SLC10A7: variants seen among roughly 807,000 people sequenced by gnomAD.
SLC10A7 encodes sodium/bile acid cotransporter 7.
SLC10A7 carries 29 observed loss-of-function variants against 43.2 expected under a neutral mutation model. The ratio of observed to expected loss-of-function variants is 0.67; its 90% CI spans 0.50 to 0.92. The LOEUF (loss-of-function observed/expected upper bound fraction) is 0.92, where lower values mean the gene tolerates loss of function less well. SLC10A7 is among the 40% of genes least tolerant of loss of function. SLC10A7 has a pLI of 0.00. For synonymous variants in SLC10A7, 152 were observed against 144.8 expected (o/e 1.05, Z -0.35); for missense variants, 295 against 403.2 (o/e 0.73, Z 2.30).
At chr4:146,451,302 T>A (rs1165426713) in intron 4 of SLC10A7, among the ~76,000 whole-genome samples, 2 of 150,440 alleles carry the variant, frequency 1.3e-5, no homozygotes, top group Non-Finnish European at 1.5e-5. Flanking sequence ...ACCACACTTT[T>A]AAAGAACTAT....
At chr4:146,342,407 A>G (rs1033904454) in intron 5 of SLC10A7, among the ~76,000 whole-genome samples, 2 of 151,798 alleles carry the variant, frequency 1.3e-5, no homozygotes, top group African/African-American at 4.8e-5. Context: ...ATTACTTTTA[A>G]TTTATTAGAG....
intron 4 of SLC10A7, among the ~76,000 whole-genome samples, chr4:146,485,257 C>T (rs554782799): frequency 4.4e-4 from 67 of 152,224 alleles, no homozygotes; most frequent in South Asian, 1.7e-3. Flanking sequence ...CAGCTGCTGT[C>T]CACTGACCAT....
intron 5 of SLC10A7, among the ~76,000 whole-genome samples, chr4:146,376,501 C>T (rs1472323698): frequency 1.3e-5 from 2 of 152,048 alleles, no homozygotes; most frequent in Non-Finnish European, 2.9e-5. Context: ...AGCAGAGCAG[C>T]ATGGTAAAGA....
At chr4:146,400,565 A>G (rs1560872805) in intron 5 of SLC10A7, among the ~76,000 whole-genome samples, 1 of 152,164 alleles carries the variant, frequency 6.6e-6, no homozygotes, top group Non-Finnish European at 1.5e-5. Flanking sequence ...AACATCTACT[A>G]GATGTGAGGC....
chr4:146,461,347 C>G (rs537553469), intron 4 of SLC10A7, among the ~76,000 whole-genome samples: 1 of 152,088 alleles, frequency 6.6e-6, no homozygotes, highest in East Asian at 1.9e-4. Context: ...GTGGGAAACA[C>G]AACGCCAACT....
intron 5 of SLC10A7, among the ~76,000 whole-genome samples, chr4:146,339,498 G>A (rs895881987): frequency 2.0e-5 from 3 of 151,896 alleles, no homozygotes; most frequent in African/African-American, 4.8e-5. Flanking sequence ...ACTCAGAGAG[G>A]CTTCAGTCAG....
intron 5 of SLC10A7, among the ~76,000 whole-genome samples, chr4:146,332,365 C>A (rs1335664891): frequency 1.3e-5 from 2 of 152,192 alleles, no homozygotes; most frequent in East Asian, 3.9e-4. Context: ...ACCCATATCT[C>A]ATGTTGAGTT....
chr4:146,268,873 G>T (rs936970287), intron 10 of SLC10A7, among the ~76,000 whole-genome samples: 1 of 152,166 alleles, frequency 6.6e-6, no homozygotes, highest in African/African-American at 2.4e-5. Context: ...AAAAAGGGGT[G>T]CAAGGGGTGC....
chr4:146,350,152 T>G (rs1261607218), intron 5 of SLC10A7, among the ~76,000 whole-genome samples: 15 of 146,792 alleles, frequency 1.0e-4, no homozygotes, highest in African/African-American at 3.8e-4. Flanking sequence ...TGCCAGACAG[T>G]GGGCGCAGGC....
intron 5 of SLC10A7, among the ~76,000 whole-genome samples, chr4:146,367,821 T>A (rs1432424822): frequency 6.6e-6 from 1 of 152,118 alleles, no homozygotes; most frequent in Non-Finnish European, 1.5e-5. Flanking sequence ...TAAATAAATA[T>A]TCACAAAGTG....
In SLC10A7 at chr4:146,460,996, C is replaced by T. The variant is rs76908492; in HGVS notation, c.397-18175G>A. Among the ~76,000 whole-genome samples, 768 of 151,992 alleles carry T rather than the reference C, an allele frequency of 5.1e-3. 6 individuals are homozygous for T. Among genetic ancestry groups the T allele is most frequent in the African/African-American group, 0.018 (737 of 41,504 alleles). On this transcript the variant is annotated intron_variant, in intron 4 of 11. Transcript: ENST00000335472. ...CAGAATTAGAAATGAACCAAAACCA[C>T]CAAATTTCTGTTACTACTTCCTAAC...
At chr4:146,259,322 G>A (rs1035160599) in intron 10 of SLC10A7, among the ~76,000 whole-genome samples, 1 of 152,232 alleles carries the variant, frequency 6.6e-6, no homozygotes, top group Non-Finnish European at 1.5e-5. Context: ...ACTGCTATAA[G>A]TAGGAAGGCA....
At chr4:146,472,630 A>G (rs1434328569) in intron 4 of SLC10A7, among the ~76,000 whole-genome samples, 1 of 152,102 alleles carries the variant, frequency 6.6e-6, no homozygotes, top group African/African-American at 2.4e-5. Flanking sequence ...CATATTAGGT[A>G]GGCCTCCTGT....
At chr4:146,496,645 CT>C (rs1370039411) in intron 4 of SLC10A7, among the ~76,000 whole-genome samples, 1 of 152,092 alleles carries the variant, frequency 6.6e-6, no homozygotes, top group Non-Finnish European at 1.5e-5. Flanking sequence ...GAGCATACCC[CT>C]TTTTTTCCAA....
At chr4:146,366,465 G>A (rs1480056795) in intron 5 of SLC10A7, among the ~76,000 whole-genome samples, 2 of 152,064 alleles carry the variant, frequency 1.3e-5, no homozygotes, top group Admixed American at 1.3e-4. Context: ...GATTTTTTCA[G>A]TTTTTGAATG....
rs374555207 is a variant in SLC10A7 at position 146,324,828 on chromosome 4, TC to T, written c.471+1132del. On this transcript the variant is annotated intron_variant, in intron 6 of 11. Transcript: ENST00000335472. ...AACTGAAAATTCTGCGTTGGTGAAG[TC>T]CATGTCAATGAAGTTTGTTATGCTG... Among the ~76,000 whole-genome samples the T allele has an allele frequency of 1.8e-4, 28 of 152,316 alleles. 1 individual carries two copies. In the South Asian group the frequency reaches 5.6e-3, roughly 30 times the overall value.
intron 5 of SLC10A7, among the ~76,000 whole-genome samples, chr4:146,387,183 G>T (rs1738068317): frequency 1.3e-5 from 2 of 152,038 alleles, no homozygotes; most frequent in South Asian, 4.1e-4. Flanking sequence ...AGAGGCCAGA[G>T]AATAACCCTG....
intron 4 of SLC10A7, among the ~76,000 whole-genome samples, chr4:146,463,308 A>G (rs1359133636): frequency 3.3e-5 from 5 of 152,178 alleles, no homozygotes; most frequent in Non-Finnish European, 5.9e-5. Flanking sequence ...ACACTAAATG[A>G]GCAACGAATA....
At chr4:146,275,960 C>T (rs867744946) in intron 10 of SLC10A7, among the ~76,000 whole-genome samples, 3 of 151,974 alleles carry the variant, frequency 2.0e-5, no homozygotes, top group African/African-American at 7.3e-5. Context: ...GGTGATCTTC[C>T]AGTCAGATTC....
Sources: allele counts gnomAD v4.1 joint callset (sites outside exome capture counted in the v4.1 genomes callset), GRCh38; gene constraint gnomAD v4.1.1; transcripts MANE v1.5; gene names NCBI Gene and HGNC (gene_info 2026-07-23, HGNC 2026-07-21).